Variants in ZNF275 observed in about 807,000 individuals in gnomAD.
The protein encoded by ZNF275 is zinc finger protein 275.
Under a neutral mutation model 4.3 loss-of-function variants are expected in ZNF275, and 4 were observed. The ratio of observed to expected loss-of-function variants is 0.93; its 90% CI spans 0.46 to 2.13. The LOEUF (loss-of-function observed/expected upper bound fraction) is 2.13, where lower values mean the gene tolerates loss of function less well. Ranked by LOEUF, ZNF275 falls within the 30% of genes most tolerant of loss-of-function variation. The probability of loss-of-function intolerance (pLI) is 0.02; values close to 1 mark genes in which losing one functional copy is unlikely to be tolerated. For missense variants in ZNF275, 352 were observed against 397.1 expected, an observed-to-expected ratio of 0.89 and a Z score of 0.97; for synonymous variants, 173 against 166.9, an observed-to-expected ratio of 1.04 and a Z score of -0.28.
intron 3 of ZNF275, 65 bp from the exon 4 acceptor site, chrX:153,346,754 C>A (rs2088518188): frequency 4.7e-6 from 5 of 1,070,102 alleles, no homozygotes; most frequent in Non-Finnish European, 6.2e-6. Flanking sequence ...AGATTCTTGA[C>A]AAAGGAGAGG....
At chrX:153,343,333 T>G (rs1356859600) in intron 2 of ZNF275, 4 of 304,369 alleles carry the variant, frequency 1.3e-5, no homozygotes, top group Non-Finnish European at 2.5e-5. Flanking sequence ...TTGAATTGAA[T>G]TGAATTGTCA....
At chrX:153,344,714 G>A (rs1556961353) in intron 2 of ZNF275, 1 of 376,247 alleles carries the variant, frequency 2.7e-6, no homozygotes. Flanking sequence ...CTCACCACAA[G>A]GGAGTGGTTT....
At position 153,334,190 on chromosome X, in the gene ZNF275, G is replaced by C. The variant is rs1183689219; in HGVS notation, c.-142G>C. ...CGGGGCTGTTAGCTCGGCTGGGCAC[G>C]GGCGGCTCCGTGGCGCTTCCTGCCA... On this transcript the variant is annotated 5_prime_UTR_variant, in exon 1 of 4. Coordinates refer to ENST00000650114, the MANE Select transcript of ZNF275 (RefSeq NM_001367757.1). The C allele has an allele frequency of 2.7e-5, 3 of 111,307 alleles. No homozygotes were observed. Among genetic ancestry groups the C allele is most frequent in the East Asian group, 2.9e-4 (1 of 3,466 alleles). 9.2% of individuals were successfully genotyped at this position (111,307 alleles called of 1,213,427 possible).
intron 1 of ZNF275, 65 bp from the exon 2 acceptor site, chrX:153,336,569 G>A (rs2088447283): frequency 2.6e-6 from 2 of 782,396 alleles, no homozygotes; most frequent in Non-Finnish European, 3.8e-6. Context: ...AAAATGTGGG[G>A]GACATGTTCC....
At chrX:153,341,088 C>T (rs1556961013) in intron 2 of ZNF275, among the ~76,000 whole-genome samples, 1 of 112,209 alleles carries the variant, frequency 8.9e-6, no homozygotes, top group Non-Finnish European at 1.9e-5. Context: ...CATCTGTTTA[C>T]TTTTAACTTA....
Position 153,347,549 on chromosome X carries a change from T to C in ZNF275, c.864T>C (p.Ser288=). The change falls in exon 4 of 4, where the codon AGT becomes AGC. Residue 288 remains serine (S), a synonymous_variant. Transcript: ENST00000650114. ...TGGCCGAGCACCAGCGCATCCACAG[T>C]GGGGCCAAGCCATACGGGTGTCCCC... ...NGLAEHQRIH[S]GAKPYGCPHC... 1 of 1,187,470 alleles carries C rather than the reference T, an allele frequency of 8.4e-7. No individual in the cohort carries two copies.
In ZNF275 at chrX:153,346,969, T is replaced by TGCCC; in HGVS notation, c.285_288dup (p.Ile97AlafsTer9). ...GGGAAGAGAGGGAGCCCACAGAATC[T>TGCCC]GCCCATAGAACATCATTTTGCTTGT... On this transcript the variant is annotated frameshift_variant, in exon 4 of 4. Coordinates refer to ENST00000650114, the MANE Select transcript of ZNF275 (RefSeq NM_001367757.1). LOFTEE classifies it low-confidence loss of function (END_TRUNC). 1 of 1,211,598 alleles carries TGCCC rather than the reference T, an allele frequency of 8.3e-7. No individual in the cohort carries two copies. The highest frequency in any genetic ancestry group is 1.1e-6 in the Non-Finnish European group (1 of 895,442).
rs782378162 is a variant in ZNF275 at position 153,347,318 on chromosome X, C to G, written c.633C>G (p.Cys211Trp). Residue 211 changes from cysteine to tryptophan, a missense_variant, in exon 4 of 4, where the codon TGC (cysteine) becomes TGG (tryptophan). Cys to Trp is a radical substitution (Grantham distance 215, BLOSUM62 -2). Transcript: ENST00000650114. ...ACAGCAGAGAGAAGCCCTTTGATTG[C>G]GAGGAATGCGGGCGGTCGTTCAAAG... Reference protein sequence around the residue: ...RVHSREKPFDCEECGRSFKVN... With the variant: ...RVHSREKPFDWEECGRSFKVN... 8.3e-7 allele frequency: 1 copy of G among 1,210,416 alleles called. No homozygotes were observed. The highest frequency in any genetic ancestry group is 1.1e-6 in the Non-Finnish European group (1 of 895,204).
At chrX:153,337,020 G>A (rs782211040) in intron 2 of ZNF275, among the ~76,000 whole-genome samples, 4 of 111,572 alleles carry the variant, frequency 3.6e-5, no homozygotes, top group African/African-American at 9.8e-5. Context: ...AACCTTTGAA[G>A]ACACCCGTTG....
At chrX:153,345,421 T>C in intron 2 of ZNF275, 99 bp from the exon 3 acceptor site, 1 of 590,402 alleles carries the variant, frequency 1.7e-6, no homozygotes, top group Non-Finnish European at 2.7e-6. Flanking sequence ...TCTTTGAAGA[T>C]TGAAGGGGGT....
At position 153,335,982 on chromosome X, in the gene ZNF275, C is replaced by T. The variant is rs372147551; in HGVS notation, c.-46-652C>T. On this transcript the variant is annotated intron_variant, in intron 1 of 3. Transcript: ENST00000650114. ...TAGCATCCCACCCCACCCCCAATTT[C>T]GACCTTTGTATCCAGGCGATGTTAC... 2.2e-4 allele frequency among the ~76,000 whole-genome samples: 25 copies of T among 111,517 alleles called. No individual in the cohort carries two copies. The East Asian group carries it at 3.1e-3, about 14-fold the overall frequency.
Position 153,336,634 on chromosome X carries a change from A to G in ZNF275, c.-46A>G. Reference sequence around the variant, plus strand: ...CACCTGAATTATTGCAATCCAACAGATGGGGCCTTACCTGCCAGGCTGATC... The same window carrying G: ...CACCTGAATTATTGCAATCCAACAGGTGGGGCCTTACCTGCCAGGCTGATC... On this transcript the variant is annotated splice_region_variant and 5_prime_UTR_variant, in exon 2 of 4. It removes an upstream start codon present in the reference 5' UTR. Transcript: ENST00000650114. The G allele has an allele frequency of 8.6e-7, 1 of 1,157,464 alleles. No homozygotes were observed. The highest frequency in any genetic ancestry group is 1.2e-6 in the Non-Finnish European group (1 of 864,030).
rs2088518355 is a variant in ZNF275, at chrX:153,346,766, C to G, written c.134-53C>G. 7 of 1,084,278 alleles carry G rather than the reference C, an allele frequency of 6.5e-6. No individual in the cohort carries two copies. In the South Asian group the frequency reaches 1.6e-4, roughly 24 times the overall value. 89.4% of individuals were successfully genotyped at this position (1,084,278 alleles called of 1,213,427 possible). A position where few individuals can be genotyped will look rare whatever the true frequency, so the allele number is the denominator to read the frequency against. On this transcript the variant is annotated intron_variant, in intron 3 of 3. Transcript: ENST00000650114. ...AAAAGATTCTTGACAAAGGAGAGGCCCTTCCCTCCTTCATCCTCTGCAGAC... is the reference window on the plus strand; with the variant it reads ...AAAAGATTCTTGACAAAGGAGAGGCGCTTCCCTCCTTCATCCTCTGCAGAC...
At chrX:153,344,565 G>A (rs976488188) in intron 2 of ZNF275, 10 of 355,638 alleles carry the variant, frequency 2.8e-5, no homozygotes, top group Admixed American at 2.6e-4. Context: ...GTTAGCAACA[G>A]ACACCCACTC....
In ZNF275 at chrX:153,334,223, C is replaced by G. The variant is rs2088428192; in HGVS notation, c.-109C>G. 1 of 111,877 alleles carries G rather than the reference C, an allele frequency of 8.9e-6. No individual in the cohort carries two copies. The highest frequency in any genetic ancestry group is 3.2e-5 in the African/African-American group (1 of 30,918). The allele number at this position is 111,877 out of a possible 1,213,427, so 9.2% of individuals were successfully genotyped here. A position where few individuals can be genotyped will look rare whatever the true frequency, so the allele number is the denominator to read the frequency against. The stretch of plus-strand genomic sequence containing the variant: ...CCGTGGCGCTTCCTGCCACGCCAGG[C>G]CTGCCTGGGCCGCGCCAGCGCCGCT... On this transcript the variant is annotated 5_prime_UTR_variant, in exon 1 of 4. Transcript: ENST00000650114.
chrX:153,351,224 C>A lies in ZNF275; in HGVS notation c.*3249C>A, dbSNP rs949919294. ...GCTGTTCATGGTGTTTGCGGTGAAA[C>A]CCGTGTTCTCTTTCAATGCAGTCTG... On this transcript the variant is annotated 3_prime_UTR_variant, in exon 4 of 4. Coordinates refer to ENST00000650114, the MANE Select transcript of ZNF275 (RefSeq NM_001367757.1). 8.1e-6 allele frequency: 1 copy of A among 123,707 alleles called. No individual in the cohort carries two copies. The highest frequency in any genetic ancestry group is 1.9e-5 in the Non-Finnish European group (1 of 53,356). The allele number at this position is 123,707 out of a possible 1,213,427, so 10.2% of individuals were successfully genotyped here. A position where few individuals can be genotyped will look rare whatever the true frequency, so the allele number is the denominator to read the frequency against.
rs1602834195 is a variant in ZNF275 at position 153,348,063 on chromosome X, A to G, written c.*88A>G. The G allele has an allele frequency of 2.1e-6, 2 of 964,261 alleles. No homozygotes were observed. Among genetic ancestry groups the G allele is most frequent in the Non-Finnish European group, 2.7e-6 (2 of 737,324 alleles). 79.5% of individuals were successfully genotyped at this position (964,261 alleles called of 1,213,427 possible). On this transcript the variant is annotated 3_prime_UTR_variant, in exon 4 of 4. Coordinates refer to ENST00000650114, the MANE Select transcript of ZNF275 (RefSeq NM_001367757.1). ...AGATGAACAGTTTTGTAGCGCTTATATATTTTGTCTTCCAAAAGGTTGAGA... is the reference window on the plus strand; with the variant it reads ...AGATGAACAGTTTTGTAGCGCTTATGTATTTTGTCTTCCAAAAGGTTGAGA...
At chrX:153,345,093 G>A (rs201796605) in intron 2 of ZNF275, 7 of 200,362 alleles carry the variant, frequency 3.5e-5, no homozygotes, top group African/African-American at 1.5e-4. Context: ...AAAGGTTGAC[G>A]TGATCAAGAT....
chrX:153,340,119 G>A lies in ZNF275; in HGVS notation c.31+3409G>A, dbSNP rs139621061. On this transcript the variant is annotated intron_variant, in intron 2 of 3. Coordinates refer to ENST00000650114, the MANE Select transcript of ZNF275 (RefSeq NM_001367757.1). ...CGAATGTATACCAGAGGAATCCAAC[G>A]GACCAGCAGGGCCCTGCCCGGGTGA... Among the ~76,000 whole-genome samples the A allele has an allele frequency of 4.9e-3, 552 of 112,231 alleles. 2 individuals carry two copies. The highest frequency in any genetic ancestry group is 6.7e-3 in the Non-Finnish European group (355 of 53,149).
Sources: gnomAD v4.1 joint callset for allele counts (sites outside exome capture counted in the v4.1 genomes callset) on GRCh38, gnomAD v4.1.1 for gene constraint, MANE v1.5 for transcripts, NCBI Gene and HGNC (gene_info 2026-07-23, HGNC 2026-07-21) for gene names.